Variants in HTR2A observed in about 807,000 individuals in gnomAD.
The protein encoded by HTR2A is 5-hydroxytryptamine receptor 2A, also known as 5-HT2 receptor.
A neutral mutation model predicts 31.0 loss-of-function variants in HTR2A; 14 were observed. The ratio of observed to expected loss-of-function variants is 0.45; its 90% confidence interval spans 0.30 to 0.71. The LOEUF is 0.71. Ranked by LOEUF, HTR2A falls within the 30% of genes least tolerant of loss-of-function variation. HTR2A has a pLI of 0.09. For synonymous variants in HTR2A, 209 were observed against 225.2 expected, an observed-to-expected ratio of 0.93 and a Z score of 0.64; for missense variants, 442 against 573.3, an observed-to-expected ratio of 0.77 and a Z score of 2.34.
At chr13:46,891,910 T>C (rs1232023870) in intron 3 of HTR2A, among the ~76,000 whole-genome samples, 2 of 152,234 alleles carry the variant, frequency 1.3e-5, no homozygotes, top group Non-Finnish European at 2.9e-5. Flanking sequence ...AAAGCAGCCT[T>C]GCCCCAAAGC....
chr13:46,846,670 G>A (rs1013900234), intron 3 of HTR2A, among the ~76,000 whole-genome samples: 2 of 152,134 alleles, frequency 1.3e-5, no homozygotes, highest in Non-Finnish European at 2.9e-5. Flanking sequence ...TAATGGGTGT[G>A]CAATGTCATA....
At position 46,858,282 on chromosome 13, in the gene HTR2A, C is replaced by T. The variant is rs566958654; in HGVS notation, c.614-22643G>A. 3.3e-5 allele frequency among the ~76,000 whole-genome samples: 5 copies of T among 152,038 alleles called. No homozygotes were observed. The South Asian group carries it at 8.3e-4, about 25-fold the overall frequency. On this transcript the variant is annotated intron_variant, in intron 3 of 3. Coordinates refer to ENST00000542664, the MANE Select transcript of HTR2A (RefSeq NM_000621.5). ...TTGGAAAACAGGTACCTGAATCTGA[C>T]GACCCCTCTCTCAGGCAGCTCTCAG... is the stretch of plus-strand genomic sequence containing the variant.
Position 46,875,011 on chromosome 13 carries a change from G to C in HTR2A, c.613+17379C>G, listed in dbSNP as rs184942062. Among the ~76,000 whole-genome samples, 149 of 152,282 alleles carry C rather than the reference G, an allele frequency of 9.8e-4. 1 individual carries two copies. The Middle Eastern group carries it at 0.01, about 10-fold the overall frequency. On this transcript the variant is annotated intron_variant, in intron 3 of 3. Transcript: ENST00000542664. ...TTAATACAAAATTACCCTTATCATA[G>C]AAAGATGGATTAATTGGTCTATTAG...
At chr13:46,867,175 C>T (rs988883005) in intron 3 of HTR2A, among the ~76,000 whole-genome samples, 2 of 152,110 alleles carry the variant, frequency 1.3e-5, no homozygotes, top group South Asian at 2.1e-4. Flanking sequence ...AGGCAAGTAC[C>T]TATCTGTGAA....
At chr13:46,839,423 G>A (rs559200377) in intron 3 of HTR2A, among the ~76,000 whole-genome samples, 1 of 152,230 alleles carries the variant, frequency 6.6e-6, no homozygotes, top group East Asian at 1.9e-4. Context: ...AAAAGCATGT[G>A]CCTCTACCAA....
chr13:46,856,911 T>C lies in HTR2A; in HGVS notation c.614-21272A>G, dbSNP rs562901352. On this transcript the variant is annotated intron_variant, in intron 3 of 3. Coordinates refer to ENST00000542664, the MANE Select transcript of HTR2A (RefSeq NM_000621.5). ...AGGCATCTATAATTCCATGTGAGGA[T>C]GAGGGCAGTGCAAGGTGCTGGGGGG... Among the ~76,000 whole-genome samples, 55 of 152,282 alleles carry C rather than the reference T, an allele frequency of 3.6e-4. 1 individual carries two copies. The highest frequency in any genetic ancestry group is 6.8e-3 in the Middle Eastern group (2 of 294).
chr13:46,858,475 T>A (rs4942578), intron 3 of HTR2A, among the ~76,000 whole-genome samples: 9 of 151,964 alleles, frequency 5.9e-5, no homozygotes, highest in Admixed American at 4.6e-4. Flanking sequence ...GGAATAATTC[T>A]TGATGGGTTT....
At chr13:46,854,674 C>T (rs541061737) in intron 3 of HTR2A, among the ~76,000 whole-genome samples, 7 of 152,258 alleles carry the variant, frequency 4.6e-5, no homozygotes, top group South Asian at 2.1e-4. Context: ...AGATCTTACA[C>T]GACCAATAAC....
intron 3 of HTR2A, among the ~76,000 whole-genome samples, chr13:46,860,994 A>G (rs1950774568): frequency 6.6e-6 from 1 of 152,232 alleles, no homozygotes; most frequent in Non-Finnish European, 1.5e-5. Context: ...ATATCTCTTA[A>G]TCACCAAACT....
At chr13:46,885,976 T>C (rs1951003199) in intron 3 of HTR2A, among the ~76,000 whole-genome samples, 1 of 152,266 alleles carries the variant, frequency 6.6e-6, no homozygotes, top group African/African-American at 2.4e-5. Flanking sequence ...TTTAAGGTTA[T>C]TAACCCTTGG....
chr13:46,854,033 A>C (rs576111263), intron 3 of HTR2A: 1 of 152,320 alleles, frequency 6.6e-6, no homozygotes, highest in Admixed American at 6.5e-5. Context: ...ACTACAGGAA[A>C]AACTAGCCCA....
Position 46,834,695 on chromosome 13 carries a change from G to T in HTR2A, c.*142C>A. 1.6e-6 allele frequency: 1 copy of T among 624,992 alleles called. No individual in the cohort carries two copies. Among genetic ancestry groups the T allele is most frequent in the Non-Finnish European group, 2.7e-6 (1 of 367,998 alleles). 38.7% of individuals were successfully genotyped at this position (624,992 alleles called of 1,614,324 possible). On this transcript the variant is annotated 3_prime_UTR_variant, in exon 4 of 4. Transcript: ENST00000542664. ...GTAGCATTGAACCCCGCTTTTCATTGACAGAATAAAATGAGGCATACAGAT... is the reference window on the plus strand; with the variant it reads ...GTAGCATTGAACCCCGCTTTTCATTTACAGAATAAAATGAGGCATACAGAT...
intron 3 of HTR2A, among the ~76,000 whole-genome samples, chr13:46,841,395 T>C (rs1950595999): frequency 6.6e-6 from 1 of 152,040 alleles, no homozygotes; most frequent in African/African-American, 2.4e-5. Context: ...GCCAGAAAAA[T>C]AGTTCAAAAA....
At chr13:46,863,202 A>G (rs1950793278) in intron 3 of HTR2A, among the ~76,000 whole-genome samples, 1 of 152,252 alleles carries the variant, frequency 6.6e-6, no homozygotes, top group South Asian at 2.1e-4. Context: ...GCAATTATAC[A>G]TGAAAAATAA....
At chr13:46,846,001 C>T (rs1171619276) in intron 3 of HTR2A, among the ~76,000 whole-genome samples, 1 of 152,158 alleles carries the variant, frequency 6.6e-6, no homozygotes, top group East Asian at 1.9e-4. Context: ...GGGTTCAGTA[C>T]AGTAACACTC....
chr13:46,858,270 A>G (rs1950754757), intron 3 of HTR2A, among the ~76,000 whole-genome samples: 1 of 152,048 alleles, frequency 6.6e-6, no homozygotes, highest in African/African-American at 2.4e-5. Context: ...GAAAACAGGT[A>G]CCTGAATCTG....
intron 3 of HTR2A, among the ~76,000 whole-genome samples, chr13:46,855,145 C>T (rs1049767850): frequency 2.6e-5 from 4 of 152,142 alleles, no homozygotes; most frequent in African/African-American, 9.7e-5. Flanking sequence ...TACCTTGATT[C>T]CCAGAATTCT....
rs1324037908 is a variant in HTR2A, at chr13:46,892,587, T to C, written c.416A>G (p.Tyr139Cys). The C allele has an allele frequency of 6.2e-7, 1 of 1,614,062 alleles. No individual in the cohort carries two copies. The highest frequency in any genetic ancestry group is 8.5e-7 in the Non-Finnish European group (1 of 1,179,978). The change falls in exon 3 of 4, where the codon TAC (tyrosine) becomes TGC (cysteine). Residue 139 changes from tyrosine to cysteine, a missense_variant. By Grantham distance (194) the Tyr-to-Cys change is radical. Coordinates refer to ENST00000542664, the MANE Select transcript of HTR2A (RefSeq NM_000621.5). ...PVSMLTILYG[Y>C]RWPLPSKLCA... is the part of the protein sequence containing the mutation. Reference sequence around the variant, plus strand: ...AAGCTTGCTCGGCAGAGGCCACCGGTACCCTATGAGGCAGAAGGTTGGTGT... The same window carrying C: ...AAGCTTGCTCGGCAGAGGCCACCGGCACCCTATGAGGCAGAAGGTTGGTGT...
At chr13:46,892,611 G>T in intron 2 of HTR2A, 21 bp from the exon 3 acceptor site, 4 of 1,607,878 alleles carry the variant, frequency 2.5e-6, no homozygotes, top group Non-Finnish European at 3.4e-6. Context: ...GAAGGTTGGT[G>T]TCAGTGAGCA....
Sources: allele counts gnomAD v4.1 joint callset (sites outside exome capture counted in the v4.1 genomes callset), GRCh38; gene constraint gnomAD v4.1.1; transcripts MANE v1.5; gene names NCBI Gene and HGNC (gene_info 2026-07-23, HGNC 2026-07-21).